The following MTMR3 variants were observed in gnomAD, a reference collection of about 807,000 sequenced individuals.
The protein encoded by MTMR3 is myotubularin related protein 3.
In MTMR3, 32 loss-of-function variants were observed where a neutral mutation model predicts 132.4. That is an observed-to-expected ratio of 0.24 (90% CI 0.18 to 0.32). The LOEUF (loss-of-function observed/expected upper bound fraction) is 0.32. Ranked by LOEUF, MTMR3 falls within the 10% of genes least tolerant of loss-of-function variation. The pLI, the probability that MTMR3 is intolerant of heterozygous loss-of-function variation, is 1.00. For synonymous variants in MTMR3, 556 were observed against 550.3 expected, an observed-to-expected ratio of 1.01 and a Z score of -0.14; for missense variants, 1,216 against 1,489.6, an observed-to-expected ratio of 0.82 and a Z score of 3.02.
intron 1 of MTMR3, among the ~76,000 whole-genome samples, chr22:29,912,818 A>G (rs1210247570): frequency 6.6e-6 from 1 of 152,232 alleles, no homozygotes; most frequent in Non-Finnish European, 1.5e-5. Context: ...GTGGTAAGCT[A>G]AGTATTTGAG....
chr22:30,009,244 T>G (rs749549212), intron 12 of MTMR3, 115 bp downstream of exon 12: 18 of 718,826 alleles, frequency 2.5e-5, no homozygotes, highest in Non-Finnish European at 4.2e-5. Context: ...CAGTCTTTCC[T>G]TCTGTTTCTT....
At chr22:29,921,852 TTC>T (rs1403207946) in intron 1 of MTMR3, among the ~76,000 whole-genome samples, 3 of 151,682 alleles carry the variant, frequency 2.0e-5, no homozygotes, top group Non-Finnish European at 4.4e-5. Context: ...TTTTTTTTTT[TTC>T]TTTTTTTTTT....
chr22:29,896,895 A>ACACACACACT (rs2064910823), intron 1 of MTMR3, among the ~76,000 whole-genome samples: 1 of 151,190 alleles, frequency 6.6e-6, no homozygotes, highest in Non-Finnish European at 1.5e-5. Context: ...ACACACACAC[A>ACACACACACT]CACACACATA....
intron 1 of MTMR3, among the ~76,000 whole-genome samples, chr22:29,890,031 T>C (rs2064764385): frequency 6.6e-6 from 1 of 151,006 alleles, no homozygotes; most frequent in African/African-American, 2.4e-5. Flanking sequence ...CTCAGCCTCC[T>C]GAGTAGCTGG....
At chr22:29,978,839 G>A in intron 4 of MTMR3, 97 bp from the exon 5 acceptor site, 2 of 905,386 alleles carry the variant, frequency 2.2e-6, no homozygotes, top group South Asian at 3.0e-5. Context: ...TTCAACTTCA[G>A]TGGCAGAGGA....
rs539110098 is a variant in MTMR3, at chr22:30,007,943, T to C, written c.920T>C (p.Ile307Thr). The change falls in exon 11 of 20, where the codon ATC (isoleucine) becomes ACC (threonine). Residue 307 changes from isoleucine to threonine, a missense_variant. Ile to Thr is a moderately conservative substitution (Grantham distance 89). This residue lies in a region of MTMR3 where 47 missense variants were observed against 46.8 expected (regional missense o/e 1.00). Transcript: ENST00000401950. Reference sequence around the variant, plus strand: ...GCTTCAGGAGCAGAGAGTTTAGCCATCCAACCGCAGAAGCTTTTGATCTTG... The same window carrying C: ...GCTTCAGGAGCAGAGAGTTTAGCCACCCAACCGCAGAAGCTTTTGATCTTG... ...SNASGAESLA[I>T]QPQKLLILDA... is the part of the protein sequence containing the mutation. 6.2e-7 allele frequency: 1 copy of C among 1,613,742 alleles called. No homozygotes were observed. Among genetic ancestry groups the C allele is most frequent in the African/African-American group, 1.3e-5 (1 of 74,998 alleles).
At chr22:30,021,627 G>T (rs556940896) in intron 17 of MTMR3, 1 of 186,622 alleles carries the variant, frequency 5.4e-6, no homozygotes, top group South Asian at 1.2e-4. Flanking sequence ...AGTTTCTCAT[G>T]TTCCCAGAGA....
chr22:30,019,181 C>A lies in MTMR3; in HGVS notation c.1821-299C>A, dbSNP rs547136002. 9 of 236,790 alleles carry A rather than the reference C, an allele frequency of 3.8e-5. 1 individual carries two copies. The highest frequency in any genetic ancestry group is 6.6e-5 in the Non-Finnish European group (8 of 121,566). The allele number at this position is 236,790 out of a possible 1,614,324, so 14.7% of individuals were successfully genotyped here. On this transcript the variant is annotated intron_variant, in intron 16 of 19. Coordinates refer to ENST00000401950, the MANE Select transcript of MTMR3 (RefSeq NM_021090.4). ...ATCCGCCACTGCACTCCAGCCTGGG[C>A]GACAGAGTGAGACTCCGTCTCAAAA...
chr22:29,945,034 G>C (rs936482045), intron 1 of MTMR3, among the ~76,000 whole-genome samples: 2 of 152,028 alleles, frequency 1.3e-5, no homozygotes, highest in African/African-American at 4.8e-5. Flanking sequence ...TTATTTTTTA[G>C]ACAGGGTCTC....
intron 2 of MTMR3, among the ~76,000 whole-genome samples, chr22:29,959,747 G>A (rs548018725): frequency 6.8e-6 from 1 of 148,124 alleles, no homozygotes; most frequent in Non-Finnish European, 1.5e-5. Flanking sequence ...ATGTAAATTT[G>A]TAAAAGTGTT....
intron 2 of MTMR3, among the ~76,000 whole-genome samples, chr22:29,966,779 C>CTG (rs941414840): frequency 7.4e-6 from 1 of 135,276 alleles, no homozygotes; most frequent in East Asian, 2.3e-4. Flanking sequence ...GTGTCTGTCT[C>CTG]TGTGTGTGTG....
intron 5 of MTMR3, chr22:29,986,552 G>A (rs1010164769): frequency 3.1e-6 from 3 of 981,158 alleles, no homozygotes; most frequent in African/African-American, 3.5e-5. Context: ...ATTCTTAGTT[G>A]CATCAGTTGC....
Position 30,025,728 on chromosome 22 carries a change from A to G in MTMR3, c.3524A>G (p.Tyr1175Cys), listed in dbSNP as rs778486820. ...FEPSRVCKSC[Y>C]SSLHPTSSSI... Reference sequence around the variant, plus strand: ...CCCAGTCGAGTATGCAAGTCTTGCTATAGCAGCCTACATCCCACAAGCTCC... The same window carrying G: ...CCCAGTCGAGTATGCAAGTCTTGCTGTAGCAGCCTACATCCCACAAGCTCC... The change falls in exon 20 of 20, where the codon TAT becomes TGT. Residue 1175 changes from tyrosine (Y) to cysteine (C), a missense_variant. Transcript: ENST00000401950. The G allele has an allele frequency of 7.5e-5, 121 of 1,614,204 alleles. No homozygotes were observed. Among genetic ancestry groups the G allele is most frequent in the African/African-American group, 1.2e-4 (9 of 75,050 alleles).
At chr22:29,951,715 A>G (rs1245936213) in intron 1 of MTMR3, among the ~76,000 whole-genome samples, 1 of 152,146 alleles carries the variant, frequency 6.6e-6, no homozygotes, top group East Asian at 1.9e-4. Flanking sequence ...CCCACATTAA[A>G]AAGGTCAATT....
At chr22:30,021,891 G>T in intron 17 of MTMR3, 138 bp from the exon 18 acceptor site, 3 of 658,042 alleles carry the variant, frequency 4.6e-6, no homozygotes, top group Non-Finnish European at 5.5e-6. Context: ...GTTCTTGATG[G>T]CTGATGCATC....
chr22:29,998,921 C>T, intron 8 of MTMR3, 64 bp downstream of exon 8: 2 of 1,032,210 alleles, frequency 1.9e-6, no homozygotes, highest in Admixed American at 5.0e-5. Flanking sequence ...CCGCAATTCT[C>T]ATGTGGCAGA....
intron 2 of MTMR3, among the ~76,000 whole-genome samples, chr22:29,969,939 T>C (rs544392396): frequency 6.6e-6 from 1 of 152,218 alleles, no homozygotes; most frequent in Non-Finnish European, 1.5e-5. Flanking sequence ...CTTGCTTACA[T>C]TGCCCTTAAA....
rs375163360 is a variant in MTMR3 at position 30,019,906 on chromosome 22, T to C, written c.2247T>C (p.Ala749=). The C allele has an allele frequency of 2.8e-5, 46 of 1,614,180 alleles. No homozygotes were observed. The Middle Eastern group carries it at 6.6e-4, about 23-fold the overall frequency. The change falls in exon 17 of 20, where the codon GCT becomes GCC. Residue 749 remains alanine, a synonymous_variant. Coordinates refer to ENST00000401950, the MANE Select transcript of MTMR3 (RefSeq NM_021090.4). ...AAGACCCAGAACTGGGTGATGCTGCTCTGAGGAGCCATCTGGATATGAGCT... is the reference window on the plus strand; with the variant it reads ...AAGACCCAGAACTGGGTGATGCTGCCCTGAGGAGCCATCTGGATATGAGCT... The part of the protein sequence containing the change: ...LHQDPELGDA[A]LRSHLDMSWP...
chr22:29,918,945 T>C (rs181123602), intron 1 of MTMR3, among the ~76,000 whole-genome samples: 1 of 152,328 alleles, frequency 6.6e-6, no homozygotes, highest in East Asian at 1.9e-4. Context: ...GAGATCTCAC[T>C]TTGTTGCTCA....
Sources: gnomAD v4.1 joint callset for allele counts (sites outside exome capture counted in the v4.1 genomes callset) on GRCh38, gnomAD v4.1.1 for gene constraint, gnomAD v4.1.1 regional missense constraint, MANE v1.5 for transcripts, NCBI Gene and HGNC (gene_info 2026-07-23, HGNC 2026-07-21) for gene names.